Variants in KIAA1217 observed in about 807,000 individuals in gnomAD.
The protein encoded by KIAA1217 is KIAA1217, also known as sickle tail protein homolog.
A neutral mutation model predicts 163.9 loss-of-function variants in KIAA1217; 88 were observed. That is an observed-to-expected ratio of 0.54 (90% CI 0.45 to 0.64). KIAA1217 has a LOEUF of 0.64. Ranked by LOEUF, KIAA1217 falls within the 30% of genes least tolerant of loss-of-function variation. The pLI, the probability that KIAA1217 is intolerant of heterozygous loss-of-function variation, is 0.00. For synonymous variants in KIAA1217, 903 were observed against 923.1 expected, an observed-to-expected ratio of 0.98 and a Z score of 0.39; for missense variants, 2,372 against 2,475.0, an observed-to-expected ratio of 0.96 and a Z score of 0.88.
intron 2 of KIAA1217, among the ~76,000 whole-genome samples, chr10:24,182,737 A>G (rs1346322500): frequency 6.6e-6 from 1 of 152,142 alleles, no homozygotes; most frequent in Non-Finnish European, 1.5e-5. Context: ...TCCCATGAAG[A>G]GAATAAGTGA....
intron 2 of KIAA1217, among the ~76,000 whole-genome samples, chr10:24,372,136 T>G (rs1297412630): frequency 6.6e-6 from 1 of 152,248 alleles, no homozygotes; most frequent in South Asian, 2.1e-4. Context: ...TGGTCGAGGT[T>G]CTGCTGCTCA....
intron 5 of KIAA1217, chr10:24,449,862 TC>T: frequency 3.9e-6 from 2 of 507,140 alleles, no homozygotes; most frequent in East Asian, 1.5e-4. Flanking sequence ...GTATTCAAGT[TC>T]AATGCAATAG....
intron 2 of KIAA1217, among the ~76,000 whole-genome samples, chr10:24,279,893 T>G (rs999811633): frequency 6.6e-6 from 1 of 152,252 alleles, no homozygotes; most frequent in Admixed American, 6.5e-5. Flanking sequence ...ACTAACATTC[T>G]AAGGGGGTTC....
At chr10:24,323,788 C>CGTGTGTGTGTGTGTGTGT (rs60528535) in intron 2 of KIAA1217, among the ~76,000 whole-genome samples, 3 of 144,180 alleles carry the variant, frequency 2.1e-5, no homozygotes, top group African/African-American at 7.8e-5. Flanking sequence ...GTTTTCTCTT[C>CGTGTGTGTGTGTGTGTGT]GTGTGTGTGT....
intron 1 of KIAA1217, among the ~76,000 whole-genome samples, chr10:23,992,932 C>T (rs1846282219): frequency 6.6e-6 from 1 of 151,844 alleles, no homozygotes; most frequent in Non-Finnish European, 1.5e-5. Context: ...ATAAGTGATA[C>T]CACCGCCAGT....
chr10:23,929,787 G>A (rs1843180781), intron 1 of KIAA1217, among the ~76,000 whole-genome samples: 2 of 152,122 alleles, frequency 1.3e-5, no homozygotes, highest in South Asian at 4.1e-4. Flanking sequence ...TGTCTTTTTG[G>A]TGGAATAATT....
intron 1 of KIAA1217, among the ~76,000 whole-genome samples, chr10:23,727,107 C>T (rs966173277): frequency 6.6e-6 from 1 of 150,886 alleles, no homozygotes; most frequent in African/African-American, 2.4e-5. Flanking sequence ...CCTGCCTCAG[C>T]CTCCTGAGTA....
intron 1 of KIAA1217, among the ~76,000 whole-genome samples, chr10:23,977,450 G>T (rs1845587017): frequency 1.3e-5 from 2 of 152,270 alleles, no homozygotes; most frequent in South Asian, 2.1e-4. Context: ...TTAGATGAGA[G>T]TGAAGTCTTT....
At chr10:23,912,898 T>C (rs1025660418) in intron 1 of KIAA1217, among the ~76,000 whole-genome samples, 3 of 152,276 alleles carry the variant, frequency 2.0e-5, no homozygotes, top group Admixed American at 1.3e-4. Flanking sequence ...CTGACTGTCT[T>C]AGCTTCACTT....
At chr10:24,400,790 G>C (rs1260206132) in intron 3 of KIAA1217, among the ~76,000 whole-genome samples, 1 of 152,030 alleles carries the variant, frequency 6.6e-6, no homozygotes, top group Non-Finnish European at 1.5e-5. Flanking sequence ...CTTAGAGACA[G>C]GATCAAGCAA....
chr10:24,296,670 A>G (rs1255980153), intron 2 of KIAA1217, among the ~76,000 whole-genome samples: 2 of 152,204 alleles, frequency 1.3e-5, no homozygotes, highest in Non-Finnish European at 2.9e-5. Flanking sequence ...AAAACGTGGA[A>G]ACCCTTTTCT....
chr10:24,096,430 A>G (rs2062165613), intron 2 of KIAA1217, among the ~76,000 whole-genome samples: 1 of 152,110 alleles, frequency 6.6e-6, no homozygotes, highest in Admixed American at 6.6e-5. Context: ...CTCTTATGCA[A>G]ACCTCCTTCA....
chr10:23,751,981 T>A (rs1839763679), intron 1 of KIAA1217, among the ~76,000 whole-genome samples: 1 of 152,188 alleles, frequency 6.6e-6, no homozygotes, highest in Non-Finnish European at 1.5e-5. Flanking sequence ...GTATGTGGTA[T>A]GATTATTTGT....
Position 24,020,651 on chromosome 10 carries a change from C to T in KIAA1217, c.-171+13277C>T, listed in dbSNP as rs961660233. Among the ~76,000 whole-genome samples the T allele has an allele frequency of 7.9e-5, 12 of 152,104 alleles. No homozygotes were observed. The East Asian group carries it at 2.3e-3, about 29-fold the overall frequency. ...CACACTGAAAGTAGAAGCCTTATCG[C>T]TTGAGGTGTTTGAGTACAATCTGTG... On this transcript the variant is annotated intron_variant, in intron 2 of 18. Coordinates refer to the KIAA1217 transcript ENST00000376462.
intron 2 of KIAA1217, among the ~76,000 whole-genome samples, chr10:24,061,625 T>C (rs2060725546): frequency 6.6e-6 from 1 of 152,210 alleles, no homozygotes; most frequent in South Asian, 2.1e-4. Context: ...TTATCTCTTC[T>C]ACATTTTTGA....
chr10:24,530,800 G>A (rs1290432085), intron 14 of KIAA1217, among the ~76,000 whole-genome samples: 1 of 152,140 alleles, frequency 6.6e-6, no homozygotes, highest in Non-Finnish European at 1.5e-5. Flanking sequence ...CTGGGCTGGG[G>A]CAGGAAGATT....
At chr10:24,261,165 T>C (rs1187150725) in intron 2 of KIAA1217, among the ~76,000 whole-genome samples, 1 of 152,134 alleles carries the variant, frequency 6.6e-6, no homozygotes, top group Admixed American at 6.6e-5. Context: ...CTAAGCTGGT[T>C]GTGTGGAATT....
intron 1 of KIAA1217, among the ~76,000 whole-genome samples, chr10:23,856,030 C>G (rs1302439082): frequency 6.6e-6 from 1 of 152,236 alleles, no homozygotes; most frequent in Non-Finnish European, 1.5e-5. Context: ...CATTCTCCGT[C>G]CAGCTTTGTT....
chr10:23,889,692 G>GAAATCTATTTTATCA (rs141865247), intron 1 of KIAA1217, among the ~76,000 whole-genome samples: 1 of 151,586 alleles, frequency 6.6e-6, no homozygotes, highest in African/African-American at 2.4e-5. Context: ...TAAGTTTATT[G>GAAATCTATTTTATCA]AGTTTTCTTT....
Sources: allele counts gnomAD v4.1 joint callset (sites outside exome capture counted in the v4.1 genomes callset), GRCh38; gene constraint gnomAD v4.1.1; transcripts MANE v1.5; gene names NCBI Gene and HGNC (gene_info 2026-07-23, HGNC 2026-07-21).